The following PIK3R3 variants were observed in gnomAD, a reference collection of about 807,000 sequenced individuals.
The protein encoded by PIK3R3 is phosphoinositide-3-kinase regulatory subunit 3, also known as phosphatidylinositol 3-kinase regulatory subunit gamma.
PIK3R3 carries 64 observed loss-of-function variants against 62.9 expected under a neutral mutation model. The ratio of observed to expected loss-of-function variants is 1.02; its 90% CI spans 0.83 to 1.25. PIK3R3 has a LOEUF of 1.25. PIK3R3 is among the 50% of genes most tolerant of loss of function. The pLI is 0.00. For missense variants in PIK3R3, 614 were observed against 561.6 expected (o/e 1.09, Z -0.94); for synonymous variants, 165 against 189.0 (o/e 0.87, Z 1.04).
chr1:46,063,166 C>A (rs954619496), intron 5 of PIK3R3, among the ~76,000 whole-genome samples: 5 of 152,170 alleles, frequency 3.3e-5, no homozygotes, highest in African/African-American at 1.2e-4. Flanking sequence ...ACAGAGACTT[C>A]ACAGAGGAGG....
chr1:46,134,145 CTT>C (rs1359021968), upstream of PIK3R3, among the ~76,000 whole-genome samples: 1 of 152,208 alleles, frequency 6.6e-6, no homozygotes, highest in Non-Finnish European at 1.5e-5. Flanking sequence ...TCCATTTCCT[CTT>C]TACACAGGAG....
chr1:46,169,611 C>G, the PIK3R3 span, among the ~76,000 whole-genome samples: 1 of 152,138 alleles, frequency 6.6e-6, no homozygotes. Context: ...AAAGTTCACA[C>G]AGCAGGTATA....
At chr1:46,150,010 T>C in the PIK3R3 span, among the ~76,000 whole-genome samples, 1 of 152,238 alleles carries the variant, frequency 6.6e-6, no homozygotes, top group South Asian at 2.1e-4. Flanking sequence ...ACTTTCTTAA[T>C]AAAGTAAGAC....
chr1:46,104,627 T>C (rs1416318159), intron 1 of PIK3R3, among the ~76,000 whole-genome samples: 1 of 151,998 alleles, frequency 6.6e-6, no homozygotes, highest in Non-Finnish European at 1.5e-5. Flanking sequence ...AATGTTTCCC[T>C]TGGTTGAAAA....
At chr1:46,077,237 C>T (rs567663980) in intron 3 of PIK3R3, among the ~76,000 whole-genome samples, 1 of 152,252 alleles carries the variant, frequency 6.6e-6, no homozygotes, top group South Asian at 2.1e-4. Flanking sequence ...ACTTCTACTT[C>T]CTTTATAAGG....
intron 5 of PIK3R3, among the ~76,000 whole-genome samples, chr1:46,064,218 A>C (rs1251387915): frequency 6.6e-6 from 1 of 151,676 alleles, no homozygotes; most frequent in Non-Finnish European, 1.5e-5. Flanking sequence ...GTCTCAAAAA[A>C]ATAAGTAAGT....
chr1:46,087,815 TG>T (rs2149423435), intron 1 of PIK3R3, among the ~76,000 whole-genome samples: 2 of 152,204 alleles, frequency 1.3e-5, no homozygotes, highest in South Asian at 4.1e-4. Context: ...TCAAAATGGA[TG>T]AACATTGAAA....
the PIK3R3 span, among the ~76,000 whole-genome samples, chr1:46,160,749 G>T: frequency 2.6e-5 from 4 of 152,300 alleles, no homozygotes; most frequent in East Asian, 7.7e-4. Context: ...GCCCCACTTG[G>T]GTGAAATGCC....
intron 1 of PIK3R3, among the ~76,000 whole-genome samples, chr1:46,121,660 ATAGT>A (rs1033784867): frequency 5.9e-5 from 9 of 152,096 alleles, no homozygotes; most frequent in Admixed American, 5.9e-4. Flanking sequence ...TTAAAAATAA[ATAGT>A]TAATAAATAA....
chr1:46,129,400 A>ATTTT (rs775203035), intron 1 of PIK3R3, among the ~76,000 whole-genome samples: 1,852 of 121,528 alleles, frequency 0.015, 24 homozygotes, highest in African/African-American at 0.033. Flanking sequence ...CAATTGGGGG[A>ATTTT]TTTTATTTAT....
intron 7 of PIK3R3, 58 bp downstream of exon 7, chr1:46,055,737 G>A: frequency 9.1e-7 from 1 of 1,100,074 alleles, no homozygotes; most frequent in African/African-American, 1.6e-5. Flanking sequence ...AGTGTCTCTA[G>A]TGCTGGTAGT....
the PIK3R3 span, among the ~76,000 whole-genome samples, chr1:46,156,458 C>CAAA: frequency 5.0e-5 from 3 of 59,758 alleles, no homozygotes; most frequent in Non-Finnish European, 7.8e-5. Flanking sequence ...GACTCTGTCT[C>CAAA]AAAAAAAAAA....
At chr1:46,096,840 TAAA>T (rs201258613) in intron 1 of PIK3R3, among the ~76,000 whole-genome samples, 1 of 126,970 alleles carries the variant, frequency 7.9e-6, no homozygotes, top group Admixed American at 8.0e-5. Context: ...GACTCTGTCT[TAAA>T]AAAAAAAAAA....
At chr1:46,102,944 G>A (rs1348680394) in intron 1 of PIK3R3, among the ~76,000 whole-genome samples, 3 of 151,666 alleles carry the variant, frequency 2.0e-5, no homozygotes, top group Admixed American at 2.0e-4. Context: ...CAGATTAATG[G>A]ATAAACAAAA....
chr1:46,115,010 G>A (rs537484558), intron 1 of PIK3R3, among the ~76,000 whole-genome samples: 1 of 152,230 alleles, frequency 6.6e-6, no homozygotes, highest in South Asian at 2.1e-4. Context: ...CAGATTTTAA[G>A]ACAGTGATCC....
chr1:46,083,967 G>C (rs987206311), intron 1 of PIK3R3, among the ~76,000 whole-genome samples: 29 of 152,078 alleles, frequency 1.9e-4, no homozygotes, highest in African/African-American at 6.3e-4. Flanking sequence ...ACTTGCACAT[G>C]AATGTTCATA....
intron 3 of PIK3R3, 56 bp downstream of exon 3, chr1:46,077,459 C>T (rs1650163546): frequency 1.2e-6 from 1 of 861,396 alleles, no homozygotes; most frequent in Non-Finnish European, 2.0e-6. Flanking sequence ...TATCTGTATA[C>T]CCAGAACTAA....
chr1:46,045,476 C>T (rs543191989), intron 9 of PIK3R3, among the ~76,000 whole-genome samples: 1 of 152,258 alleles, frequency 6.6e-6, no homozygotes, highest in Admixed American at 6.5e-5. Context: ...CCTGTCACTA[C>T]ATCAACAGAA....
the PIK3R3 span, among the ~76,000 whole-genome samples, chr1:46,141,971 A>G: frequency 6.6e-6 from 1 of 152,190 alleles, no homozygotes; most frequent in African/African-American, 2.4e-5. Context: ...TGATACTCCA[A>G]ACCTTCACTA....
Sources: allele counts gnomAD v4.1 joint callset (sites outside exome capture counted in the v4.1 genomes callset), GRCh38; gene constraint gnomAD v4.1.1; transcripts MANE v1.5; gene names NCBI Gene and HGNC (gene_info 2026-07-23, HGNC 2026-07-21).